The following NTF3 variants were observed in gnomAD, a reference collection of about 807,000 sequenced individuals.
NTF3 encodes neurotrophin 3, also known as neurotrophin-3.
NTF3 carries 8 observed loss-of-function variants against 26.3 expected under a neutral mutation model. That is an observed-to-expected ratio of 0.30 (90% CI 0.18 to 0.55). The LOEUF (loss-of-function observed/expected upper bound fraction) is 0.55, where lower values mean the gene tolerates loss of function less well. Ranked by LOEUF, NTF3 falls within the 20% of genes least tolerant of loss-of-function variation. The pLI, the probability that NTF3 is intolerant of heterozygous loss-of-function variation, is 0.93. For synonymous variants in NTF3, 154 were observed against 145.5 expected (o/e 1.06, Z -0.42); for missense variants, 276 against 352.9 (o/e 0.78, Z 1.75).
intron 1 of NTF3, among the ~76,000 whole-genome samples, chr12:5,449,619 C>G (rs1289064045): frequency 6.6e-6 from 1 of 152,176 alleles, no homozygotes; most frequent in Admixed American, 6.5e-5. Flanking sequence ...ATTCCTGACT[C>G]CCGACTTTAC....
chr12:5,480,304 A>G (rs1359275490), intron 1 of NTF3, among the ~76,000 whole-genome samples: 1 of 152,134 alleles, frequency 6.6e-6, no homozygotes, highest in Non-Finnish European at 1.5e-5. Flanking sequence ...TCGGGTGGAA[A>G]AACAATCCCA....
intron 1 of NTF3, among the ~76,000 whole-genome samples, chr12:5,468,116 C>T (rs912538693): frequency 2.0e-5 from 3 of 152,202 alleles, no homozygotes; most frequent in African/African-American, 7.2e-5. Context: ...ATCACAGTCT[C>T]TTCGATGCTA....
Position 5,494,643 on chromosome 12 carries a change from G to A in NTF3, c.468G>A (p.Lys156=). The A allele has an allele frequency of 6.2e-7, 1 of 1,614,178 alleles. No individual in the cohort carries two copies. Among genetic ancestry groups the A allele is most frequent in the South Asian group, 1.1e-5 (1 of 91,072 alleles). The change falls in exon 2 of 2, where the codon AAG becomes AAA. Residue 156 remains lysine, a synonymous_variant. Coordinates refer to ENST00000423158, the MANE Select transcript of NTF3 (RefSeq NM_001102654.2). The surrounding 1 kb of genome is among the most constrained non-coding windows in gnomAD (Gnocchi z 8.3). ...GGCGGAAACGGTACGCGGAGCATAA[G>A]AGTCACCGAGGGGAGTACTCGGTAT... ...TSRRKRYAEH[K]SHRGEYSVCD... is the part of the protein sequence containing the mutation.
chr12:5,461,751 T>C (rs1211549418), intron 1 of NTF3, among the ~76,000 whole-genome samples: 2 of 152,084 alleles, frequency 1.3e-5, no homozygotes, highest in Non-Finnish European at 2.9e-5. Flanking sequence ...AGGTTTTCTG[T>C]CCCCAAAGGA....
At chr12:5,468,733 C>T (rs1034177018) in intron 1 of NTF3, among the ~76,000 whole-genome samples, 1 of 152,168 alleles carries the variant, frequency 6.6e-6, no homozygotes, top group African/African-American at 2.4e-5. Flanking sequence ...GATGTAGTGA[C>T]ACAGGACACT....
intron 1 of NTF3, among the ~76,000 whole-genome samples, chr12:5,472,691 C>T (rs1037565555): frequency 1.3e-5 from 2 of 152,184 alleles, no homozygotes; most frequent in Non-Finnish European, 1.5e-5. Context: ...GCTGGTCTCT[C>T]TTCTCATTTG....
chr12:5,472,737 G>C (rs1940680341), intron 1 of NTF3, among the ~76,000 whole-genome samples: 1 of 152,174 alleles, frequency 6.6e-6, no homozygotes, highest in Non-Finnish European at 1.5e-5. Flanking sequence ...AGTGTTCCTG[G>C]GAGGGTGATG....
At chr12:5,431,961 CGG>C (rs376881723), upstream of NTF3, among the ~76,000 whole-genome samples, 543 of 126,084 alleles carry the variant, frequency 4.3e-3, 4 homozygotes, top group African/African-American at 0.014. Flanking sequence ...GAAGTGAGGG[CGG>C]GGGGGGGGCT....
At chr12:5,442,859 C>T (rs1203209591) in intron 1 of NTF3, among the ~76,000 whole-genome samples, 1 of 152,172 alleles carries the variant, frequency 6.6e-6, no homozygotes, top group Non-Finnish European at 1.5e-5. Context: ...GTGTGGGATA[C>T]CAAGAGATAC....
intron 1 of NTF3, among the ~76,000 whole-genome samples, chr12:5,449,214 G>T (rs1026790928): frequency 6.6e-6 from 1 of 152,208 alleles, no homozygotes; most frequent in Non-Finnish European, 1.5e-5. Context: ...AGTGTGGAGT[G>T]TCGAGAGCTT....
chr12:5,432,061 A>C, upstream of NTF3: 1 of 421,960 alleles, frequency 2.4e-6, no homozygotes, highest in Non-Finnish European at 4.4e-6. Context: ...GCGCGGAGCC[A>C]TCTGGCCGGG....
chr12:5,437,014 A>T (rs1940175688), intron 1 of NTF3, among the ~76,000 whole-genome samples: 1 of 152,210 alleles, frequency 6.6e-6, no homozygotes, highest in Admixed American at 6.5e-5. Context: ...ATAAAAGAAG[A>T]GCAAAGTCTA....
chr12:5,480,728 G>C (rs1308900156), intron 1 of NTF3, among the ~76,000 whole-genome samples: 2 of 136,024 alleles, frequency 1.5e-5, no homozygotes, highest in Non-Finnish European at 1.5e-5. Flanking sequence ...GAGTGCAAAC[G>C]TTTCATGCCG....
chr12:5,440,292 T>G lies in NTF3; in HGVS notation c.18+7950T>G, dbSNP rs1368948081. Among the ~76,000 whole-genome samples the G allele has an allele frequency of 2.0e-5, 3 of 152,186 alleles. No homozygotes were observed. The East Asian group carries it at 5.8e-4, about 29-fold the overall frequency. ...GTATTTACTTTGCTTAAAATAACCT[T>G]TCATGTGTAGGGTGATAATTTTTTT... On this transcript the variant is annotated intron_variant, in intron 1 of 1. Coordinates refer to ENST00000423158, the MANE Select transcript of NTF3 (RefSeq NM_001102654.2).
In NTF3 at chr12:5,494,193, GA is replaced by G. The variant is rs1333845992; in HGVS notation, c.19del (p.Ile7SerfsTer4). The G allele has an allele frequency of 6.2e-7, 1 of 1,611,720 alleles. No individual in the cohort carries two copies. Among genetic ancestry groups the G allele is most frequent in the African/African-American group, 1.3e-5 (1 of 75,008 alleles). ...TCTTAACACCTGTGTTTCCTTTTCA[GA>G]TCTTACAGGTGAACAAGGTGATGTC... Reference protein sequence around the residue: MVTFATILQVNKVMSIL... With the variant: MVTFATXLQVNKVMSIL... On this transcript the variant is annotated frameshift_variant and splice_region_variant, in exon 2 of 2. Transcript: ENST00000423158. LOFTEE classifies it high-confidence loss of function. The surrounding 1 kb of genome is among the most constrained non-coding windows in gnomAD (Gnocchi z 8.3).
At chr12:5,431,961 CGGG>C (rs376881723), upstream of NTF3, among the ~76,000 whole-genome samples, 2 of 126,010 alleles carry the variant, frequency 1.6e-5, no homozygotes, top group African/African-American at 5.6e-5. Context: ...GAAGTGAGGG[CGGG>C]GGGGGGGCTC....
At chr12:5,458,938 C>T (rs1940489139) in intron 1 of NTF3, among the ~76,000 whole-genome samples, 1 of 152,194 alleles carries the variant, frequency 6.6e-6, no homozygotes. Flanking sequence ...TGCCCAAACC[C>T]TTCTTCTATT....
In NTF3 at chr12:5,433,978, C is replaced by T. The variant is rs921726778; in HGVS notation, c.18+1636C>T. Among the ~76,000 whole-genome samples, 2 of 152,176 alleles carry T rather than the reference C, an allele frequency of 1.3e-5. No homozygotes were observed. Among genetic ancestry groups the T allele is most frequent in the East Asian group, 1.9e-4 (1 of 5,192 alleles). The stretch of plus-strand genomic sequence containing the variant: ...AAATAAAGAGGTGCCCGCTCCTACC[C>T]CGCAAAACAGCGAACGAGGAGAACA... On this transcript the variant is annotated intron_variant, in intron 1 of 1. Transcript: ENST00000423158. The surrounding 1 kb of genome is among the most constrained non-coding windows in gnomAD (Gnocchi z 4.6).
At chr12:5,469,010 A>G (rs1256136496) in intron 1 of NTF3, among the ~76,000 whole-genome samples, 1 of 152,080 alleles carries the variant, frequency 6.6e-6, no homozygotes, top group African/African-American at 2.4e-5. Flanking sequence ...AGTCCCAGCT[A>G]CTGGGGAGGC....
Sources: allele counts gnomAD v4.1 joint callset (sites outside exome capture counted in the v4.1 genomes callset), GRCh38; gene constraint gnomAD v4.1.1; non-coding constraint Gnocchi (gnomAD v3.1); transcripts MANE v1.5; gene names NCBI Gene and HGNC (gene_info 2026-07-23, HGNC 2026-07-21).